Variants in ANO10 observed in about 807,000 individuals in gnomAD.
ANO10 encodes the protein anoctamin-10.
Under a neutral mutation model 74.7 loss-of-function variants are expected in ANO10, and 77 were observed. The observed-to-expected ratio is 1.03, with a 90% CI of 0.86 to 1.25. The LOEUF is 1.25. Ranked by LOEUF, ANO10 falls within the 50% of genes most tolerant of loss-of-function variation. The pLI, the probability that ANO10 is intolerant of heterozygous loss-of-function variation, is 0.00. For synonymous variants in ANO10, 279 were observed against 284.9 expected, an observed-to-expected ratio of 0.98 and a Z score of 0.21; for missense variants, 721 against 778.1, an observed-to-expected ratio of 0.93 and a Z score of 0.87.
chr3:43,676,056 G>C (rs2149579409), intron 1 of ANO10, among the ~76,000 whole-genome samples: 1 of 152,106 alleles, frequency 6.6e-6, no homozygotes, highest in East Asian at 1.9e-4. Context: ...ACAAACTATG[G>C]GTATATTAAA....
chr3:43,424,107 TC>T (rs2092862003), intron 12 of ANO10, among the ~76,000 whole-genome samples: 1 of 152,190 alleles, frequency 6.6e-6, no homozygotes, highest in African/African-American at 2.4e-5. Context: ...CATTCCAGCC[TC>T]ATTCTGACTT....
chr3:43,601,088 T>C (rs2082319041), intron 2 of ANO10, among the ~76,000 whole-genome samples: 1 of 152,202 alleles, frequency 6.6e-6, no homozygotes, highest in African/African-American at 2.4e-5. Context: ...TATGTTCTAT[T>C]TGGTTTAATA....
chr3:43,608,960 G>A (rs2082686722), intron 1 of ANO10, among the ~76,000 whole-genome samples: 1 of 152,118 alleles, frequency 6.6e-6, no homozygotes, highest in Admixed American at 6.5e-5. Flanking sequence ...TGAACAGACA[G>A]CTTTTGTAAT....
intron 1 of ANO10, among the ~76,000 whole-genome samples, chr3:43,680,353 G>T (rs1202582209): frequency 1.3e-5 from 2 of 152,114 alleles, no homozygotes; most frequent in African/African-American, 4.8e-5. Context: ...AAGATCAAAT[G>T]AATGAAATGA....
chr3:43,469,399 T>A (rs1020010272), intron 11 of ANO10, among the ~76,000 whole-genome samples: 4 of 152,180 alleles, frequency 2.6e-5, no homozygotes, highest in African/African-American at 7.2e-5. Flanking sequence ...AGGTTTATAT[T>A]GATTTCATCT....
intron 12 of ANO10, among the ~76,000 whole-genome samples, chr3:43,411,241 G>A (rs1341781036): frequency 6.6e-6 from 1 of 152,138 alleles, no homozygotes; most frequent in East Asian, 1.9e-4. Context: ...TTTATTGGAA[G>A]CTACACTAAG....
intron 11 of ANO10, among the ~76,000 whole-genome samples, chr3:43,433,085 G>A (rs558885681): frequency 6.8e-5 from 10 of 146,928 alleles, no homozygotes; most frequent in African/African-American, 1.5e-4. Flanking sequence ...TCAGCCTCCC[G>A]AGTGCACCAT....
rs61742945 is a variant in ANO10 at position 43,577,227 on chromosome 3, A to G, written c.627T>C (p.Ala209=). 2.0e-3 allele frequency: 3,187 copies of G among 1,614,156 alleles called. 55 individuals are homozygous for G. In the African/African-American group the frequency reaches 0.037, roughly 19 times the overall value. ...SIRGYFGETI[A]LYFGFLEYFT... Reference sequence around the variant, plus strand: ...AATACTCCAAAAATCCAAAGTACAGAGCAATTGTTTCCCCAAAGTAGCCAC... The same window carrying G: ...AATACTCCAAAAATCCAAAGTACAGGGCAATTGTTTCCCCAAAGTAGCCAC... Residue 209 remains alanine, a synonymous_variant, in exon 6 of 13, where the codon GCT becomes GCC. Transcript: ENST00000292246.
intron 11 of ANO10, among the ~76,000 whole-genome samples, chr3:43,512,231 T>C (rs1273594461): frequency 6.6e-6 from 1 of 152,140 alleles, no homozygotes; most frequent in Admixed American, 6.6e-5. Context: ...TTTTGTATTT[T>C]CCAGCACTGA....
chr3:43,683,916 T>G (rs956968872), intron 1 of ANO10, among the ~76,000 whole-genome samples: 3 of 152,092 alleles, frequency 2.0e-5, no homozygotes, highest in African/African-American at 7.2e-5. Context: ...TTACACCTTA[T>G]ACAAAAATTA....
chr3:43,619,097 C>A (rs1031262433), intron 1 of ANO10, among the ~76,000 whole-genome samples: 6 of 152,228 alleles, frequency 3.9e-5, no homozygotes, highest in Non-Finnish European at 4.4e-5. Flanking sequence ...AGCCACCGTG[C>A]CCAGCTATGG....
In ANO10 at chr3:43,561,278, T is replaced by A. The variant is rs1439742655; in HGVS notation, c.1418A>T (p.Asp473Val). 2 of 1,614,098 alleles carry A rather than the reference T, an allele frequency of 1.2e-6. No homozygotes were observed. The highest frequency in any genetic ancestry group is 1.7e-6 in the Non-Finnish European group (2 of 1,180,046). ...VKRKVQALKA[D>V]IDATLYEQVI... ...TTGTTCATATAATGTAGCATCAATG[T>A]CTGCCTTTAAAGCCTGCACCTTCCT... The change falls in exon 9 of 13, where the codon GAC (aspartate) becomes GTC (valine). Residue 473 changes from aspartate (D) to valine (V), a missense_variant. Coordinates refer to ENST00000292246, the MANE Select transcript of ANO10 (RefSeq NM_018075.5).
Position 43,598,527 on chromosome 3 carries a change from C to G in ANO10, c.472+5G>C. On this transcript the variant is annotated splice_donor_5th_base_variant and intron_variant, in intron 4 of 12. Coordinates refer to ENST00000292246, the MANE Select transcript of ANO10 (RefSeq NM_018075.5). ...AGAAAAAGACTGGTTGACATAATGACTTACACAATGATTTTCCTGGATACA... is the reference window on the plus strand; with the variant it reads ...AGAAAAAGACTGGTTGACATAATGAGTTACACAATGATTTTCCTGGATACA... 6.2e-7 allele frequency: 1 copy of G among 1,612,860 alleles called. No individual in the cohort carries two copies. Among genetic ancestry groups the G allele is most frequent in the Non-Finnish European group, 8.5e-7 (1 of 1,179,590 alleles).
At position 43,691,049 on chromosome 3, in the gene ANO10, G is replaced by A. The variant is rs375014954; in HGVS notation, c.-12+468C>T. On this transcript the variant is annotated intron_variant, in intron 1 of 3. Coordinates refer to the ANO10 transcript ENST00000413397. ...CCGACACCGGAGAGAGGTAAGCGCAGCCGGCAGGGGGCTTCGTGTGTCTCC... is the reference window on the plus strand; with the variant it reads ...CCGACACCGGAGAGAGGTAAGCGCAACCGGCAGGGGGCTTCGTGTGTCTCC... The A allele has an allele frequency of 3.2e-6, 5 of 1,548,400 alleles. No individual in the cohort carries two copies. The highest frequency in any genetic ancestry group is 1.7e-4 in the Middle Eastern group (1 of 5,848).
In ANO10 at chr3:43,605,853, C is replaced by A. The variant is rs187884704; in HGVS notation, c.-1G>T. ...CCAAAGCTGATAAGGTCACTTTCATCTTTGACAAATCTGCGGAAAATTAAA... is the reference window on the plus strand; with the variant it reads ...CCAAAGCTGATAAGGTCACTTTCATATTTGACAAATCTGCGGAAAATTAAA... On this transcript the variant is annotated 5_prime_UTR_variant, in exon 2 of 13. Transcript: ENST00000292246. The A allele has an allele frequency of 1.2e-5, 19 of 1,613,420 alleles. No homozygotes were observed. In the Admixed American group the frequency reaches 3.2e-4, roughly 27 times the overall value.
intron 1 of ANO10, among the ~76,000 whole-genome samples, chr3:43,660,969 GA>G (rs2083918974): frequency 6.6e-6 from 1 of 152,092 alleles, no homozygotes; most frequent in Admixed American, 6.5e-5. Context: ...ACAATAAAAA[GA>G]AAACACTCTT....
chr3:43,645,287 G>GAGACCATCCTGGCCA (rs2083715395), intron 1 of ANO10, among the ~76,000 whole-genome samples: 1 of 152,102 alleles, frequency 6.6e-6, no homozygotes, highest in East Asian at 1.9e-4. Context: ...TCAAGAGATT[G>GAGACCATCCTGGCCA]AGACCATCCT....
rs942639279 is a variant in ANO10 at position 43,683,542 on chromosome 3, C to G, written c.-12+7975G>C. On this transcript the variant is annotated intron_variant, in intron 1 of 3. Transcript: ENST00000413397. ...TAGATTCAATGCCATCCCCATCAAG[C>G]TACCAATGACTTTCTTCACAGAATT... Among the ~76,000 whole-genome samples the G allele has an allele frequency of 5.3e-5, 8 of 152,268 alleles. No homozygotes were observed. In the East Asian group the frequency reaches 5.8e-4, roughly 11 times the overall value.
chr3:43,392,663 G>A (rs1461181925), intron 12 of ANO10, among the ~76,000 whole-genome samples: 1 of 152,156 alleles, frequency 6.6e-6, no homozygotes, highest in Non-Finnish European at 1.5e-5. Context: ...ATTGCCCACT[G>A]GCTATTAAAC....
Sources: gnomAD v4.1 joint callset for allele counts (sites outside exome capture counted in the v4.1 genomes callset) on GRCh38, gnomAD v4.1.1 for gene constraint, MANE v1.5 for transcripts, NCBI Gene and HGNC (gene_info 2026-07-23, HGNC 2026-07-21) for gene names.